PROB1: variants seen among roughly 807,000 people sequenced by gnomAD.
PROB1 encodes proline rich basic protein 1.
For missense variants in PROB1, 1,453 were observed against 1,485.7 expected (o/e 0.98, Z 0.36); for synonymous variants, 660 against 699.3 (o/e 0.94, Z 0.89).
Position 139,393,031 on chromosome 5 carries a change from A to G in PROB1, c.2051T>C (p.Ile684Thr). Residue 684 changes from isoleucine (I) to threonine (T), a missense_variant, in exon 1 of 1, where the codon ATC (isoleucine) becomes ACC (threonine). Physicochemically the swap from Ile to Thr is moderately conservative, Grantham distance 89 (BLOSUM62 -1). Transcript: ENST00000434752. ...PAPAHYTSVFIKDFLPVVPHP... is the reference protein window; with the variant it reads ...PAPAHYTSVFTKDFLPVVPHP... ...CGGCACCACCGGTAGAAAATCCTTG[A>G]TGAAAACGGAAGTGTAGTGAGCCGG... is the stretch of plus-strand genomic sequence containing the variant. 6.6e-7 allele frequency: 1 copy of G among 1,524,626 alleles called. No individual in the cohort carries two copies. Among genetic ancestry groups the G allele is most frequent in the Non-Finnish European group, 8.8e-7 (1 of 1,134,872 alleles). 94.4% of individuals were successfully genotyped at this position (1,524,626 alleles called of 1,614,324 possible).
Position 139,392,434 on chromosome 5 carries a change from A to G in PROB1, c.2648T>C (p.Leu883Ser). 6.8e-7 allele frequency: 1 copy of G among 1,462,996 alleles called. No homozygotes were observed. The highest frequency in any genetic ancestry group is 9.0e-7 in the Non-Finnish European group (1 of 1,108,676). 90.6% of individuals were successfully genotyped at this position (1,462,996 alleles called of 1,614,324 possible). ...GTAGCGGCCGCTCTCGGGGTCCACC[A>G]AGACCTTCCCCAGGGGCGCGGCCCC... Reference protein sequence around the residue: ...QPGAAPLGKVLVDPESGRYYF... With the variant: ...QPGAAPLGKVSVDPESGRYYF... Residue 883 changes from leucine (L) to serine (S), a missense_variant, in exon 1 of 1, where the codon TTG (leucine) becomes TCG (serine). Coordinates refer to ENST00000434752, the MANE Select transcript of PROB1 (RefSeq NM_001161546.2). The surrounding 1 kb of genome is among the most constrained non-coding windows in gnomAD (Gnocchi z 5.8).
rs766612151 is a variant in PROB1, at chr5:139,393,152, G to A, written c.1930C>T (p.Gln644Ter). Residue 644 changes from glutamine (Q) to a stop codon, truncating the protein, a stop_gained, in exon 1 of 1, where the codon CAA becomes TAA. Transcript: ENST00000434752. LOFTEE classifies it low-confidence loss of function (END_TRUNC). The part of the protein sequence containing the change: ...TYAPGFPAGA[Q>*]GSGLPAPPAD... Reference sequence around the variant, plus strand: ...GGAGGCGCAGGCAGCCCAGAGCCTTGTGCTCCTGCCGGGAAGCCTGGCGCG... The same window carrying A: ...GGAGGCGCAGGCAGCCCAGAGCCTTATGCTCCTGCCGGGAAGCCTGGCGCG... 1.3e-5 allele frequency: 20 copies of A among 1,545,992 alleles called. 1 individual carries two copies. The South Asian group carries it at 2.4e-4, about 19-fold the overall frequency.
At position 139,392,889 on chromosome 5, in the gene PROB1, T is replaced by A. The variant is rs1287036386; in HGVS notation, c.2193A>T (p.Thr731=). The change falls in exon 1 of 1, where the codon ACA becomes ACT. Residue 731 remains threonine, a synonymous_variant. Coordinates refer to ENST00000434752, the MANE Select transcript of PROB1 (RefSeq NM_001161546.2). The surrounding 1 kb of genome is among the most constrained non-coding windows in gnomAD (Gnocchi z 5.8). The part of the protein sequence containing the change: ...ENSTAKPFKR[T]EIRLPGALAL... ...CCAGGGCCCCAGGCAGGCGGATCTC[T>A]GTGCGCTTGAAGGGCTTCGCCGTGC... The A allele has an allele frequency of 1.9e-6, 3 of 1,544,484 alleles. No homozygotes were observed. The highest frequency in any genetic ancestry group is 2.0e-5 in the Admixed American group (1 of 50,046).
At position 139,395,087 on chromosome 5, in the gene PROB1, G is replaced by C. The variant is rs1467074695; in HGVS notation, c.-6C>G. 1.4e-6 allele frequency: 2 copies of C among 1,396,614 alleles called. No individual in the cohort carries two copies. Among genetic ancestry groups the C allele is most frequent in the African/African-American group, 3.1e-5 (2 of 65,086 alleles). The allele number at this position is 1,396,614 out of a possible 1,614,324, so 86.5% of individuals were successfully genotyped here. On this transcript the variant is annotated 5_prime_UTR_variant, in exon 1 of 1. Transcript: ENST00000434752. ...GGGGCGAGCGCGGTCAGCATGGTGG[G>C]GCCGGACGCCGTGCACTATCTCCCT...
At position 139,394,955 on chromosome 5, in the gene PROB1, G is replaced by A; in HGVS notation, c.127C>T (p.Pro43Ser). The A allele has an allele frequency of 6.6e-7, 1 of 1,521,576 alleles. No homozygotes were observed. The highest frequency in any genetic ancestry group is 8.8e-7 in the Non-Finnish European group (1 of 1,135,948). 94.3% of individuals were successfully genotyped at this position (1,521,576 alleles called of 1,614,324 possible). Residue 43 changes from proline to serine, a missense_variant, in exon 1 of 1, where the codon CCC becomes TCC. Physicochemically the swap from Pro to Ser is moderately conservative, Grantham distance 74. Transcript: ENST00000434752. Reference sequence around the variant, plus strand: ...TTCGCGTCCGGCCCAACGTCCGGGGGCTCCGGAGAACCTGGAGCCGTGTAG... The same window carrying A: ...TTCGCGTCCGGCCCAACGTCCGGGGACTCCGGAGAACCTGGAGCCGTGTAG... ...SYYTAPGSPE[P>S]PDVGPDAKGP...
Position 139,392,083 on chromosome 5 carries a change from G to C in PROB1, c.2999C>G (p.Ser1000Cys), listed in dbSNP as rs1354038708. The C allele has an allele frequency of 2.8e-6, 4 of 1,410,404 alleles. No homozygotes were observed. The highest frequency in any genetic ancestry group is 3.7e-6 in the Non-Finnish European group (4 of 1,080,060). 87.4% of individuals were successfully genotyped at this position (1,410,404 alleles called of 1,614,324 possible). A position where few individuals can be genotyped will look rare whatever the true frequency, so the allele number is the denominator to read the frequency against. Residue 1000 changes from serine (S) to cysteine (C), a missense_variant, in exon 1 of 1, where the codon TCC becomes TGC. By Grantham distance (112) the Ser-to-Cys change is moderately radical. Transcript: ENST00000434752. The surrounding 1 kb of genome is among the most constrained non-coding windows in gnomAD (Gnocchi z 5.8). ...GCCGGGCTGGGTGGGACCTGAGCTG[G>C]AGGGCGGCGCACAGAGGAGCAGAGG... ...APPLLLCAPP[S>C]SSGPTQPGKG... is the part of the protein sequence containing the mutation.
chr5:139,392,105 G>C lies in PROB1; in HGVS notation c.2977C>G (p.Leu993Val). The change falls in exon 1 of 1, where the codon CTG (leucine) becomes GTG (valine). Residue 993 changes from leucine to valine, a missense_variant. Coordinates refer to ENST00000434752, the MANE Select transcript of PROB1 (RefSeq NM_001161546.2). The surrounding 1 kb of genome is among the most constrained non-coding windows in gnomAD (Gnocchi z 5.8). Reference protein sequence around the residue: ...VSGTPNPAPPLLLCAPPSSSG... With the variant: ...VSGTPNPAPPVLLCAPPSSSG... ...CTGGAGGGCGGCGCACAGAGGAGCA[G>C]AGGAGGTGCGGGGTTGGGGGTCCCG... is the stretch of plus-strand genomic sequence containing the variant. 7.0e-7 allele frequency: 1 copy of C among 1,421,426 alleles called. No homozygotes were observed. Among genetic ancestry groups the C allele is most frequent in the Admixed American group, 3.1e-5 (1 of 32,200 alleles). The allele number at this position is 1,421,426 out of a possible 1,614,324, so 88.1% of individuals were successfully genotyped here.
At position 139,393,069 on chromosome 5, in the gene PROB1, C is replaced by T; in HGVS notation, c.2013G>A (p.Leu671=). ...TGTAGTGAGCCGGGGCGGGGGGCCC[C>T]AGTGCTGGCGGCTCTTGCGTCTTGG... ...GESKTQEPPA[L]GPPAPAHYTS... Residue 671 remains leucine, a synonymous_variant, in exon 1 of 1, where the codon CTG becomes CTA. Coordinates refer to ENST00000434752, the MANE Select transcript of PROB1 (RefSeq NM_001161546.2). 5 of 1,529,624 alleles carry T rather than the reference C, an allele frequency of 3.3e-6. No individual in the cohort carries two copies. The highest frequency in any genetic ancestry group is 4.4e-6 in the Non-Finnish European group (5 of 1,137,698). The allele number at this position is 1,529,624 out of a possible 1,614,324, so 94.8% of individuals were successfully genotyped here. A position where few individuals can be genotyped will look rare whatever the true frequency, so the allele number is the denominator to read the frequency against.
chr5:139,392,521 G>T lies in PROB1; in HGVS notation c.2561C>A (p.Ala854Asp). ...GRTAPAQPRA[A>D]SAPPTDRSPQ... ...GGACCGGTCCGTGGGAGGCGCCGAGGCAGCGCGGGGCTGGGCTGGGGCCGT... is the reference window on the plus strand; with the variant it reads ...GGACCGGTCCGTGGGAGGCGCCGAGTCAGCGCGGGGCTGGGCTGGGGCCGT... The change falls in exon 1 of 1, where the codon GCC (alanine) becomes GAC (aspartate). Residue 854 changes from alanine to aspartate, a missense_variant. Transcript: ENST00000434752. The surrounding 1 kb of genome is among the most constrained non-coding windows in gnomAD (Gnocchi z 5.8). 3.0e-6 allele frequency: 4 copies of T among 1,344,412 alleles called. No homozygotes were observed. Among genetic ancestry groups the T allele is most frequent in the Non-Finnish European group, 3.8e-6 (4 of 1,052,464 alleles). The allele number at this position is 1,344,412 out of a possible 1,614,324, so 83.3% of individuals were successfully genotyped here. A position where few individuals can be genotyped will look rare whatever the true frequency, so the allele number is the denominator to read the frequency against.
At position 139,392,510 on chromosome 5, in the gene PROB1, G is replaced by C; in HGVS notation, c.2572C>G (p.Pro858Ala). 7.4e-7 allele frequency: 1 copy of C among 1,347,656 alleles called. No individual in the cohort carries two copies. The highest frequency in any genetic ancestry group is 1.8e-5 in the South Asian group (1 of 54,884). The allele number at this position is 1,347,656 out of a possible 1,614,324, so 83.5% of individuals were successfully genotyped here. A position where few individuals can be genotyped will look rare whatever the true frequency, so the allele number is the denominator to read the frequency against. The change falls in exon 1 of 1, where the codon CCC (proline) becomes GCC (alanine). Residue 858 changes from proline to alanine, a missense_variant. By Grantham distance (27) the Pro-to-Ala change is conservative. Coordinates refer to ENST00000434752, the MANE Select transcript of PROB1 (RefSeq NM_001161546.2). The surrounding 1 kb of genome is among the most constrained non-coding windows in gnomAD (Gnocchi z 5.8). The stretch of plus-strand genomic sequence containing the variant: ...GGGCTTTGCGGGGACCGGTCCGTGG[G>C]AGGCGCCGAGGCAGCGCGGGGCTGG... ...PAQPRAASAP[P>A]TDRSPQSPSQ...
Position 139,393,382 on chromosome 5 carries a change from GTGGA to G in PROB1, c.1696_1699del (p.Ser566ArgfsTer18). The G allele has an allele frequency of 1.6e-5, 25 of 1,551,628 alleles. No homozygotes were observed. The highest frequency in any genetic ancestry group is 2.1e-5 in the Non-Finnish European group (24 of 1,147,010). ...AAAGGCAAGATCTGAAATTTCCCGCGTGGATGGACTCTGCATCTCTGTTGGTTCT... is the reference window on the plus strand; with the variant it reads ...AAAGGCAAGATCTGAAATTTCCCGCGTGGACTCTGCATCTCTGTTGGTTCT... On this transcript the variant is annotated frameshift_variant, in exon 1 of 1. Coordinates refer to ENST00000434752, the MANE Select transcript of PROB1 (RefSeq NM_001161546.2). LOFTEE classifies it low-confidence loss of function (END_TRUNC).
At position 139,394,573 on chromosome 5, in the gene PROB1, T is replaced by C. The variant is rs1758660942; in HGVS notation, c.509A>G (p.Tyr170Cys). ...TGGCCCACGGGGCCGCAGCTCTAGGTAGGTGGCCCAGCGGGAGCCACCATC... is the reference window on the plus strand; with the variant it reads ...TGGCCCACGGGGCCGCAGCTCTAGGCAGGTGGCCCAGCGGGAGCCACCATC... ...VPDGGSRWATYLELRPRGPSP... is the reference protein window; with the variant it reads ...VPDGGSRWATCLELRPRGPSP... The change falls in exon 1 of 1, where the codon TAC (tyrosine) becomes TGC (cysteine). Residue 170 changes from tyrosine (Y) to cysteine (C), a missense_variant. Transcript: ENST00000434752. 6.6e-7 allele frequency: 1 copy of C among 1,525,564 alleles called. No homozygotes were observed. Among genetic ancestry groups the C allele is most frequent in the Non-Finnish European group, 8.8e-7 (1 of 1,141,712 alleles). The allele number at this position is 1,525,564 out of a possible 1,614,324, so 94.5% of individuals were successfully genotyped here.
At position 139,393,770 on chromosome 5, in the gene PROB1, C is replaced by G. The variant is rs1210068491; in HGVS notation, c.1312G>C (p.Glu438Gln). 1 of 1,551,406 alleles carries G rather than the reference C, an allele frequency of 6.4e-7. No homozygotes were observed. Among genetic ancestry groups the G allele is most frequent in the South Asian group, 1.2e-5 (1 of 84,066 alleles). Reference sequence around the variant, plus strand: ...TCCTCGACGGCAGGATTTTGATTTTCCCACTCGGAGGAGGCTTCAGGGAAC... The same window carrying G: ...TCCTCGACGGCAGGATTTTGATTTTGCCACTCGGAGGAGGCTTCAGGGAAC... The part of the protein sequence containing the change: ...PLFPEASSEW[E>Q]NQNPAVEETV... The change falls in exon 1 of 1, where the codon GAA (glutamate) becomes CAA (glutamine). Residue 438 changes from glutamate to glutamine, a missense_variant. Glu to Gln is a conservative substitution (Grantham distance 29). Transcript: ENST00000434752.
chr5:139,394,078 A>T lies in PROB1; in HGVS notation c.1004T>A (p.Leu335Gln). 1 of 1,550,906 alleles carries T rather than the reference A, an allele frequency of 6.4e-7. No individual in the cohort carries two copies. The highest frequency in any genetic ancestry group is 8.7e-7 in the Non-Finnish European group (1 of 1,146,932). Residue 335 changes from leucine (L) to glutamine (Q), a missense_variant, in exon 1 of 1, where the codon CTG becomes CAG. Leu to Gln is a moderately radical substitution (Grantham distance 113). Coordinates refer to ENST00000434752, the MANE Select transcript of PROB1 (RefSeq NM_001161546.2). ...GAAGATGCTGGAACTAACAGGACCC[A>T]GCGGCTCCGTCCCGGGCGCAGGCTT... ...RDKPAPGTEP[L>Q]GPVSSSIFLQ...
chr5:139,393,586 G>T lies in PROB1; in HGVS notation c.1496C>A (p.Pro499Gln). Residue 499 changes from proline to glutamine, a missense_variant, in exon 1 of 1, where the codon CCG (proline) becomes CAG (glutamine). Physicochemically the swap from Pro to Gln is moderately conservative, Grantham distance 76 (BLOSUM62 -1). Coordinates refer to ENST00000434752, the MANE Select transcript of PROB1 (RefSeq NM_001161546.2). The part of the protein sequence containing the change: ...AVEPRSSPSP[P>Q]AFFPWEAPDR... ...TGGAGCCTCCCACGGGAAGAAGGCC[G>T]GCGGGGACGGGCTGCTACGTGGCTC... 1 of 1,550,872 alleles carries T rather than the reference G, an allele frequency of 6.4e-7. No individual in the cohort carries two copies. Among genetic ancestry groups the T allele is most frequent in the Non-Finnish European group, 8.7e-7 (1 of 1,146,908 alleles).
Position 139,391,641 on chromosome 5 carries a change from G to C in PROB1, c.*393C>G. ...CAGACAGTTCCCCGCCCTGTCTCCT[G>C]CTGCTCCCGTTCCTGCTGCCCCACG... On this transcript the variant is annotated 3_prime_UTR_variant, in exon 1 of 1. Transcript: ENST00000434752. The surrounding 1 kb of genome is among the most constrained non-coding windows in gnomAD (Gnocchi z 4.8). 5.8e-6 allele frequency: 1 copy of C among 172,630 alleles called. No homozygotes were observed. 10.7% of individuals were successfully genotyped at this position (172,630 alleles called of 1,614,324 possible). A position where few individuals can be genotyped will look rare whatever the true frequency, so the allele number is the denominator to read the frequency against.
chr5:139,392,241 T>C lies in PROB1; in HGVS notation c.2841A>G (p.Ile947Met). Reference protein sequence around the residue: ...LGLYPPAYGPIPSLSLPPSPG... With the variant: ...LGLYPPAYGPMPSLSLPPSPG... ...GGGACGGTGGCAGAGAGAGGCTGGG[T>C]ATAGGCCCATAGGCGGGCGGGTAGA... is the stretch of plus-strand genomic sequence containing the variant. The change falls in exon 1 of 1, where the codon ATA (isoleucine) becomes ATG (methionine). Residue 947 changes from isoleucine to methionine, a missense_variant. Coordinates refer to ENST00000434752, the MANE Select transcript of PROB1 (RefSeq NM_001161546.2). This position sits in a 1 kb window ranked among gnomAD's most constrained non-coding sequence, Gnocchi z 5.8. The C allele has an allele frequency of 1.4e-6, 2 of 1,477,040 alleles. No homozygotes were observed. The highest frequency in any genetic ancestry group is 9.0e-7 in the Non-Finnish European group (1 of 1,110,154). The allele number at this position is 1,477,040 out of a possible 1,614,324, so 91.5% of individuals were successfully genotyped here.
rs1017188454 is a variant in PROB1 at position 139,390,962 on chromosome 5, C to G, written c.*1072G>C. The G allele has an allele frequency of 1.3e-5, 2 of 152,486 alleles. No individual in the cohort carries two copies. Among genetic ancestry groups the G allele is most frequent in the Non-Finnish European group, 2.9e-5 (2 of 68,240 alleles). 9.4% of individuals were successfully genotyped at this position (152,486 alleles called of 1,614,324 possible). A position where few individuals can be genotyped will look rare whatever the true frequency, so the allele number is the denominator to read the frequency against. On this transcript the variant is annotated 3_prime_UTR_variant, in exon 1 of 1. Transcript: ENST00000434752. ...CACGCACACCACCTCCCACCTCATG[C>G]AGACCCCCCTCATCTCCCTCAGAGG...
Position 139,392,733 on chromosome 5 carries a change from G to A in PROB1, c.2349C>T (p.Arg783=), listed in dbSNP as rs1482124698. Residue 783 remains arginine, a synonymous_variant, in exon 1 of 1, where the codon CGC becomes CGT. Coordinates refer to ENST00000434752, the MANE Select transcript of PROB1 (RefSeq NM_001161546.2). The surrounding 1 kb of genome is among the most constrained non-coding windows in gnomAD (Gnocchi z 5.8). ...CTACGGGGGAGCGCTGGGATGAGCT[G>A]CGGGCGCCGCCTAGAGGGCTGGTCC... The part of the protein sequence containing the change: ...DGRTSPLGGA[R]SSSQRSPVGP... 3 of 1,411,670 alleles carry A rather than the reference G, an allele frequency of 2.1e-6. No individual in the cohort carries two copies. The highest frequency in any genetic ancestry group is 1.6e-5 in the South Asian group (1 of 63,318). The allele number at this position is 1,411,670 out of a possible 1,614,324, so 87.4% of individuals were successfully genotyped here.
Sources: gnomAD v4.1 joint callset for allele counts on GRCh38, gnomAD v4.1.1 for gene constraint, Gnocchi (gnomAD v3.1) non-coding constraint, MANE v1.5 for transcripts, NCBI Gene and HGNC (gene_info 2026-07-23, HGNC 2026-07-21) for gene names.